Variants in OGA observed in about 807,000 individuals in gnomAD.
OGA encodes O-GlcNAcase.
A neutral mutation model predicts 102.0 loss-of-function variants in OGA; 21 were observed. That is an observed-to-expected ratio of 0.21 (90% CI 0.15 to 0.30). The LOEUF (loss-of-function observed/expected upper bound fraction) is 0.30, where lower values mean the gene tolerates loss of function less well. Among genes scored for constraint, OGA ranks in the 10% least tolerant of loss-of-function variants. The pLI, the probability that OGA is intolerant of heterozygous loss-of-function variation, is 1.00. For synonymous variants in OGA, 408 were observed against 378.2 expected (o/e 1.08, Z -0.91); for missense variants, 765 against 1,107.8 (o/e 0.69, Z 4.39).
intron 1 of OGA, among the ~76,000 whole-genome samples, 194 bp downstream of exon 1, chr10:101,817,630 G>A (rs1485308878): frequency 2.6e-5 from 4 of 152,082 alleles, no homozygotes; most frequent in Non-Finnish European, 5.9e-5. Flanking sequence ...AGTGGCCAGG[G>A]GGGAATTCGA....
At position 101,807,855 on chromosome 10, in the gene OGA, A is replaced by G. The variant is rs778973373; in HGVS notation, c.527T>C (p.Ile176Thr). 4.4e-6 allele frequency: 7 copies of G among 1,600,706 alleles called. No homozygotes were observed. The highest frequency in any genetic ancestry group is 2.2e-5 in the East Asian group (1 of 44,524). The change falls in exon 5 of 16, where the codon ATA becomes ACA. Residue 176 changes from isoleucine to threonine, a missense_variant. This residue lies in a region of OGA where 165 missense variants were observed against 249.7 expected (regional missense o/e 0.66). Transcript: ENST00000361464. The stretch of plus-strand genomic sequence containing the variant: ...GTCTGCTGCACACATATTATGGTCT[A>G]TATCATCAAAAAGCAAAGCAAATGA... ...CRSFALLFDD[I>T]DHNMCAADKE...
At chr10:101,791,495 CAATAT>C in intron 12 of OGA, 56 bp from the exon 13 acceptor site, 2 of 1,411,272 alleles carry the variant, frequency 1.4e-6, no homozygotes, top group Non-Finnish European at 2.0e-6. Context: ...CAGAATCTAA[CAATAT>C]AACTCACAAG....
chr10:101,793,233 C>T (rs2065278751), intron 11 of OGA, among the ~76,000 whole-genome samples: 1 of 152,110 alleles, frequency 6.6e-6, no homozygotes, highest in African/African-American at 2.4e-5. Context: ...CCAATTATGA[C>T]AAATCTATTT....
chr10:101,807,505 T>C (rs1184685534), intron 5 of OGA, among the ~76,000 whole-genome samples: 1 of 152,238 alleles, frequency 6.6e-6, no homozygotes, highest in Non-Finnish European at 1.5e-5. Context: ...GTTCATATAC[T>C]TCCAGTACTT....
At chr10:101,809,612 G>C (rs925603149) in intron 4 of OGA, among the ~76,000 whole-genome samples, 18 of 151,132 alleles carry the variant, frequency 1.2e-4, no homozygotes, top group African/African-American at 4.1e-4. Flanking sequence ...TCAGGAGGCT[G>C]AGGCATGAGA....
At chr10:101,809,705 CAAAAAAAAAA>C (rs373690932) in intron 4 of OGA, among the ~76,000 whole-genome samples, 3 of 59,086 alleles carry the variant, frequency 5.1e-5, no homozygotes, top group African/African-American at 2.0e-4. Context: ...GACTCTGTCT[CAAAAAAAAAA>C]AAAAAGAAAA....
Position 101,784,986 on chromosome 10 carries a change from C to T in OGA, c.*1465G>A, listed in dbSNP as rs377511383. 13 of 152,326 alleles carry T rather than the reference C, an allele frequency of 8.5e-5. No individual in the cohort carries two copies. The East Asian group carries it at 2.5e-3, about 29-fold the overall frequency. The allele number at this position is 152,326 out of a possible 1,614,324, so 9.4% of individuals were successfully genotyped here. On this transcript the variant is annotated 3_prime_UTR_variant, in exon 16 of 16. Transcript: ENST00000361464. ...TTTGGTTGGAAGTCACTAGGTACCA[C>T]TAGGTACAATGCTTTAGGGCTCTCT...
intron 1 of OGA, among the ~76,000 whole-genome samples, chr10:101,817,316 T>C (rs1211762232): frequency 2.6e-5 from 4 of 151,864 alleles, no homozygotes; most frequent in Middle Eastern, 3.2e-3. Context: ...AAATGAATCT[T>C]TGCGGGGGTG....
chr10:101,791,465 C>T, intron 12 of OGA, 26 bp from the exon 13 acceptor site: 1 of 1,585,336 alleles, frequency 6.3e-7, no homozygotes, highest in Admixed American at 1.7e-5. Context: ...AGTTAAGCAA[C>T]ACATCAAGAA....
intron 1 of OGA, 122 bp downstream of exon 1, chr10:101,817,702 G>A: frequency 9.0e-7 from 1 of 1,109,990 alleles, no homozygotes; most frequent in African/African-American, 1.6e-5. Flanking sequence ...CGCTTTAGGA[G>A]GGCCACATTT....
intron 7 of OGA, among the ~76,000 whole-genome samples, 191 bp downstream of exon 7, chr10:101,803,544 T>A (rs2065426019): frequency 6.6e-6 from 1 of 151,734 alleles, no homozygotes; most frequent in Non-Finnish European, 1.5e-5. Flanking sequence ...TACATCTTCA[T>A]CAACAGAATG....
intron 8 of OGA, 126 bp downstream of exon 8, chr10:101,800,116 G>A (rs1325399735): frequency 3.4e-5 from 34 of 1,002,356 alleles, no homozygotes; most frequent in African/African-American, 1.1e-4. Context: ...CAGGTGATCC[G>A]CCTGCCTCGG....
rs370377634 is a variant in OGA, at chr10:101,818,082, C to T, written c.-60G>A. 2.7e-6 allele frequency: 4 copies of T among 1,473,980 alleles called. No individual in the cohort carries two copies. The highest frequency in any genetic ancestry group is 4.8e-5 in the Admixed American group (2 of 41,980). 91.3% of individuals were successfully genotyped at this position (1,473,980 alleles called of 1,614,324 possible). ...CCTCCTCGACCTCTGTCCGTTGGGG[C>T]ACCGGCCCGGAGCCCTGGAGAGGGC... On this transcript the variant is annotated 5_prime_UTR_variant, in exon 1 of 16. Transcript: ENST00000361464.
Position 101,815,348 on chromosome 10 carries a change from G to A in OGA, c.200-1742C>T, listed in dbSNP as rs573648761. On this transcript the variant is annotated intron_variant, in intron 1 of 15. Transcript: ENST00000361464. Reference sequence around the variant, plus strand: ...GGCTGGAGTGCAGTGGCACTATCTCGGCTCAATGCAATCTACGCCTCCAAC... The same window carrying A: ...GGCTGGAGTGCAGTGGCACTATCTCAGCTCAATGCAATCTACGCCTCCAAC... 2.0e-5 allele frequency among the ~76,000 whole-genome samples: 3 copies of A among 151,676 alleles called. No individual in the cohort carries two copies. In the South Asian group the frequency reaches 6.3e-4, roughly 32 times the overall value.
rs1043085967 is a variant in OGA, at chr10:101,790,280, T to G, written c.2454+616A>C. On this transcript the variant is annotated intron_variant, in intron 14 of 15. Transcript: ENST00000361464. ...ATAATATCTTGTTTTTTTTTTTTTT[T>G]TTTTTTTTTTGAGACAGAGTTTCAC... 1.0e-4 allele frequency among the ~76,000 whole-genome samples: 15 copies of G among 145,148 alleles called. No homozygotes were observed. The South Asian group carries it at 2.5e-3, about 24-fold the overall frequency.
chr10:101,803,614 GT>G, intron 7 of OGA, 120 bp downstream of exon 7: 1 of 1,099,650 alleles, frequency 9.1e-7, no homozygotes, highest in South Asian at 1.7e-5. Flanking sequence ...AACAAAATAC[GT>G]TTTTAAAAAA....
intron 12 of OGA, among the ~76,000 whole-genome samples, chr10:101,792,179 C>T (rs2065267791): frequency 6.6e-6 from 1 of 152,136 alleles, no homozygotes; most frequent in South Asian, 2.1e-4. Context: ...CCACCGCACC[C>T]AGCTAATTTT....
chr10:101,786,634 G>C (rs916746714), intron 15 of OGA, 47 bp from the exon 16 acceptor site: 11 of 1,419,590 alleles, frequency 7.7e-6, no homozygotes, highest in East Asian at 5.1e-5. Flanking sequence ...CACTTAATTA[G>C]TATAATTATA....
Position 101,800,499 on chromosome 10 carries a change from C to T in OGA, c.1037-99G>A, listed in dbSNP as rs974964931. 9 of 879,556 alleles carry T rather than the reference C, an allele frequency of 1.0e-5. No homozygotes were observed. The East Asian group carries it at 2.1e-4, about 20-fold the overall frequency. The allele number at this position is 879,556 out of a possible 1,614,324, so 54.5% of individuals were successfully genotyped here. ...ATGCAACTAGTTTTCACAGTATAAC[C>T]ACAGAAACAAAGAACAGAATGAGAA... On this transcript the variant is annotated intron_variant, in intron 7 of 15. Coordinates refer to ENST00000361464, the MANE Select transcript of OGA (RefSeq NM_012215.5).
Sources: allele counts gnomAD v4.1 joint callset (sites outside exome capture counted in the v4.1 genomes callset), GRCh38; gene constraint gnomAD v4.1.1; regional missense constraint gnomAD v4.1.1; transcripts MANE v1.5; gene names NCBI Gene and HGNC (gene_info 2026-07-23, HGNC 2026-07-21).